Variants in LIMD1 observed in about 807,000 individuals in gnomAD.
LIMD1 encodes LIM domain-containing protein 1.
A neutral mutation model predicts 58.4 loss-of-function variants in LIMD1; 23 were observed. The observed-to-expected ratio is 0.39, with a 90% confidence interval of 0.28 to 0.56. The LOEUF (loss-of-function observed/expected upper bound fraction) is 0.56. Ranked by LOEUF, LIMD1 falls within the 20% of genes least tolerant of loss-of-function variation. LIMD1 has a pLI of 0.57. For synonymous variants in LIMD1, 334 were observed against 345.5 expected (o/e 0.97, Z 0.37); for missense variants, 838 against 855.5 (o/e 0.98, Z 0.25).
chr3:45,630,956 C>T lies in LIMD1; in HGVS notation c.1409-5194C>T, dbSNP rs951545481. 5.9e-5 allele frequency among the ~76,000 whole-genome samples: 9 copies of T among 152,166 alleles called. No homozygotes were observed. The South Asian group carries it at 1.9e-3, about 32-fold the overall frequency. ...CGGTGGCTCACGCCTGTAATCCCAG[C>T]ACTTTGGGAGGCCGAGGCGGGCGGA... On this transcript the variant is annotated intron_variant, in intron 1 of 7. Transcript: ENST00000273317.
At chr3:45,627,664 ATGGAGCATCAGGGAC>A (rs1162130440) in intron 1 of LIMD1, among the ~76,000 whole-genome samples, 3 of 142,386 alleles carry the variant, frequency 2.1e-5, no homozygotes, top group Non-Finnish European at 3.0e-5. Context: ...CATTCTAAAG[ATGGAGCATCAGGGAC>A]TGGATGAACC....
chr3:45,624,400 G>A (rs951470304), intron 1 of LIMD1, among the ~76,000 whole-genome samples: 2 of 152,010 alleles, frequency 1.3e-5, no homozygotes, highest in African/African-American at 2.4e-5. Flanking sequence ...GCCTGGTAGA[G>A]CCTTTTTATT....
chr3:45,615,079 T>C (rs993756846), intron 1 of LIMD1, among the ~76,000 whole-genome samples: 1 of 152,042 alleles, frequency 6.6e-6, no homozygotes, highest in African/African-American at 2.4e-5. Context: ...CATAGGTAAA[T>C]AGAAGAGCAT....
chr3:45,601,526 G>T (rs1701412853), intron 1 of LIMD1, among the ~76,000 whole-genome samples: 1 of 152,202 alleles, frequency 6.6e-6, no homozygotes, highest in African/African-American at 2.4e-5. Context: ...CCCCCTTCCT[G>T]GGGGCAGGTA....
At chr3:45,632,293 A>T (rs1004874727) in intron 1 of LIMD1, among the ~76,000 whole-genome samples, 2 of 152,162 alleles carry the variant, frequency 1.3e-5, no homozygotes, top group Non-Finnish European at 2.9e-5. Flanking sequence ...CCTAACTCAT[A>T]TCTTGACATT....
chr3:45,656,621 G>T (rs1214547295), intron 2 of LIMD1, among the ~76,000 whole-genome samples: 1 of 151,876 alleles, frequency 6.6e-6, no homozygotes. Context: ...GGGTTCAAGC[G>T]ATTCTCCTGC....
intron 1 of LIMD1, among the ~76,000 whole-genome samples, chr3:45,612,702 A>C (rs1441168458): frequency 1.3e-5 from 2 of 152,230 alleles, no homozygotes; most frequent in Non-Finnish European, 2.9e-5. Flanking sequence ...AGGCAACTAC[A>C]ATTCTGATTT....
At chr3:45,604,421 A>G (rs1701447812) in intron 1 of LIMD1, among the ~76,000 whole-genome samples, 3 of 152,184 alleles carry the variant, frequency 2.0e-5, no homozygotes, top group Admixed American at 2.0e-4. Flanking sequence ...CTCAAACTTC[A>G]TTTAGATAGG....
intron 1 of LIMD1, among the ~76,000 whole-genome samples, chr3:45,625,584 C>T (rs983870642): frequency 1.3e-5 from 2 of 152,176 alleles, no homozygotes; most frequent in African/African-American, 2.4e-5. Context: ...GAAACTGAAT[C>T]CCCAAGGCAA....
chr3:45,606,135 T>C (rs140389229), intron 1 of LIMD1, among the ~76,000 whole-genome samples: 1 of 152,264 alleles, frequency 6.6e-6, no homozygotes, highest in Non-Finnish European at 1.5e-5. Flanking sequence ...CTCACCTGTA[T>C]TACGTTGTTC....
Position 45,678,196 on chromosome 3 carries a change from T to G in LIMD1, c.*1137T>G, listed in dbSNP as rs924557315. The G allele has an allele frequency of 1.3e-5, 2 of 152,630 alleles. No homozygotes were observed. The highest frequency in any genetic ancestry group is 4.8e-5 in the African/African-American group (2 of 41,434). 9.5% of individuals were successfully genotyped at this position (152,630 alleles called of 1,614,324 possible). On this transcript the variant is annotated 3_prime_UTR_variant, in exon 8 of 8. Transcript: ENST00000273317. ...TGTCTGTTTAATTTTTTTAGTTGTT[T>G]CCCTTCACTTTCAGTCTTCCACACA...
intron 2 of LIMD1, among the ~76,000 whole-genome samples, chr3:45,654,831 A>G (rs1040071558): frequency 4.6e-5 from 7 of 151,182 alleles, no homozygotes; most frequent in East Asian, 1.9e-4. Flanking sequence ...AAAAAAAAAA[A>G]AAAGAAAAAA....
chr3:45,662,387 G>A (rs2125667707), intron 2 of LIMD1, among the ~76,000 whole-genome samples: 1 of 151,736 alleles, frequency 6.6e-6, no homozygotes, highest in African/African-American at 2.4e-5. Flanking sequence ...TTACATTATA[G>A]TTTTGGTTTG....
intron 1 of LIMD1, among the ~76,000 whole-genome samples, chr3:45,612,200 C>G (rs1470055116): frequency 6.6e-6 from 1 of 151,914 alleles, no homozygotes; most frequent in Non-Finnish European, 1.5e-5. Context: ...TCCTCCCATC[C>G]CAGCCCCCCG....
chr3:45,640,737 G>A (rs889269452), intron 2 of LIMD1, among the ~76,000 whole-genome samples: 4 of 152,188 alleles, frequency 2.6e-5, no homozygotes, highest in Non-Finnish European at 5.9e-5. Flanking sequence ...ACCCTTGTTG[G>A]TGTTATTACA....
intron 3 of LIMD1, among the ~76,000 whole-genome samples, chr3:45,668,046 C>G (rs571175043): frequency 7.2e-5 from 11 of 152,242 alleles, no homozygotes; most frequent in African/African-American, 2.6e-4. Context: ...TTACATAGAG[C>G]CTGGCATGCT....
intron 1 of LIMD1, among the ~76,000 whole-genome samples, chr3:45,629,127 C>T (rs981526671): frequency 6.6e-6 from 1 of 151,994 alleles, no homozygotes; most frequent in Non-Finnish European, 1.5e-5. Flanking sequence ...AATGTCACAA[C>T]ACGGGGCTGG....
chr3:45,636,447 C>T (rs1386690668), intron 2 of LIMD1, among the ~76,000 whole-genome samples, 196 bp downstream of exon 2: 2 of 152,190 alleles, frequency 1.3e-5, no homozygotes, highest in Non-Finnish European at 2.9e-5. Context: ...GGTGACTTAA[C>T]ACAATACCAA....
chr3:45,660,799 C>T (rs942646996), intron 2 of LIMD1, among the ~76,000 whole-genome samples: 4 of 152,166 alleles, frequency 2.6e-5, no homozygotes, highest in African/African-American at 4.8e-5. Flanking sequence ...GGTAGGTGTC[C>T]GACGTGGGAA....
Sources: allele counts gnomAD v4.1 joint callset (sites outside exome capture counted in the v4.1 genomes callset), GRCh38; gene constraint gnomAD v4.1.1; transcripts MANE v1.5; gene names NCBI Gene and HGNC (gene_info 2026-07-23, HGNC 2026-07-21).